The following SMC1B variants were observed in gnomAD, a reference collection of about 807,000 sequenced individuals.
SMC1B encodes the protein structural maintenance of chromosomes protein 1B.
Under a neutral mutation model 157.9 loss-of-function variants are expected in SMC1B, and 60 were observed. That is an observed-to-expected ratio of 0.38 (90% CI 0.31 to 0.47). SMC1B has a LOEUF of 0.47. Among genes scored for constraint, SMC1B ranks in the 20% least tolerant of loss-of-function variants. SMC1B has a pLI of 0.99. For missense variants in SMC1B, 1,165 were observed against 1,426.2 expected (o/e 0.82, Z 2.95); for synonymous variants, 445 against 483.0 (o/e 0.92, Z 1.03).
chr22:45,390,284 A>G (rs940743144), intron 9 of SMC1B, among the ~76,000 whole-genome samples: 5 of 152,044 alleles, frequency 3.3e-5, no homozygotes, highest in Non-Finnish European at 7.3e-5. Context: ...TTCTGACCTC[A>G]CAGAATTTTC....
At chr22:45,386,765 A>G in intron 11 of SMC1B, 102 bp downstream of exon 11, 1 of 1,039,000 alleles carries the variant, frequency 9.6e-7, no homozygotes, top group African/African-American at 1.6e-5. Flanking sequence ...AAAAAAGAAC[A>G]CATAAAACGC....
chr22:45,398,703 C>T (rs565289133), intron 6 of SMC1B, among the ~76,000 whole-genome samples: 116 of 152,256 alleles, frequency 7.6e-4, no homozygotes, highest in African/African-American at 2.7e-3. Flanking sequence ...GTGGCGCATG[C>T]CTGTAATCCC....
Position 45,359,790 on chromosome 22 carries a change from C to T in SMC1B, c.2862+15G>A. ...CACACAACGGCACATATTTTACAGT[C>T]ATTTGCTAGAATACCTCCACTTCAA... On this transcript the variant is annotated intron_variant, in intron 18 of 24. Coordinates refer to ENST00000357450, the MANE Select transcript of SMC1B (RefSeq NM_148674.5). The T allele has an allele frequency of 6.2e-7, 1 of 1,609,154 alleles. No homozygotes were observed. The highest frequency in any genetic ancestry group is 1.7e-4 in the Middle Eastern group (1 of 6,048).
In SMC1B at chr22:45,389,761, T is replaced by C; in HGVS notation, c.1682A>G (p.Lys561Arg). 1 of 1,614,140 alleles carries C rather than the reference T, an allele frequency of 6.2e-7. No homozygotes were observed. Among genetic ancestry groups the C allele is most frequent in the Non-Finnish European group, 8.5e-7 (1 of 1,180,000 alleles). ...TGTCTCAGGTTCAGCTCTTTCCTCC[T>C]TCAGAAATCGAATACAATCTTTTGC... The part of the protein sequence containing the change: ...KVAKDCIRFL[K>R]EERAEPETFL... The change falls in exon 10 of 25, where the codon AAG (lysine) becomes AGG (arginine). Residue 561 changes from lysine to arginine, a missense_variant. Coordinates refer to ENST00000357450, the MANE Select transcript of SMC1B (RefSeq NM_148674.5).
Position 45,388,845 on chromosome 22 carries a change from G to A in SMC1B, c.1731+867C>T, listed in dbSNP as rs556559244. On this transcript the variant is annotated intron_variant, in intron 10 of 24. Coordinates refer to ENST00000357450, the MANE Select transcript of SMC1B (RefSeq NM_148674.5). ...ACAAAAAAAAGAAAAAAAATCAGCC[G>A]GGCGTGCTGGCACATACCTGTAACC... Among the ~76,000 whole-genome samples, 11 of 151,742 alleles carry A rather than the reference G, an allele frequency of 7.2e-5. No individual in the cohort carries two copies. The South Asian group carries it at 1.5e-3, about 20-fold the overall frequency.
chr22:45,366,623 T>G (rs781318183), intron 15 of SMC1B, among the ~76,000 whole-genome samples: 5 of 152,118 alleles, frequency 3.3e-5, no homozygotes, highest in Non-Finnish European at 5.9e-5. Flanking sequence ...TCTGGCTGGG[T>G]GTGGTGGCTC....
At chr22:45,396,512 C>T (rs1172211840) in intron 6 of SMC1B, 26 bp from the exon 7 acceptor site, 2 of 1,590,166 alleles carry the variant, frequency 1.3e-6, no homozygotes, top group African/African-American at 1.4e-5. Context: ...TGAAAAATTG[C>T]TAATTCACCT....
At chr22:45,349,977 C>T (rs778062153) in intron 22 of SMC1B, among the ~76,000 whole-genome samples, 180 bp from the exon 23 acceptor site, 2 of 152,198 alleles carry the variant, frequency 1.3e-5, no homozygotes, top group Admixed American at 6.5e-5. Context: ...TGTATGTGAC[C>T]TATGCAAGGA....
intron 12 of SMC1B, among the ~76,000 whole-genome samples, chr22:45,380,969 T>C (rs1294480512): frequency 6.6e-6 from 1 of 151,516 alleles, no homozygotes; most frequent in African/African-American, 2.4e-5. Context: ...ACTTTTTTTT[T>C]TTTTTTTTGT....
chr22:45,353,253 C>A (rs2086632139), intron 21 of SMC1B, among the ~76,000 whole-genome samples: 2 of 108,674 alleles, frequency 1.8e-5, no homozygotes, highest in Admixed American at 1.2e-4. Flanking sequence ...CAGAGGGAAA[C>A]TCTGTCTCAA....
At chr22:45,370,364 T>C (rs1286299807) in intron 14 of SMC1B, among the ~76,000 whole-genome samples, 4 of 152,152 alleles carry the variant, frequency 2.6e-5, no homozygotes, top group Admixed American at 1.3e-4. Flanking sequence ...CACAAAAATA[T>C]TACATTCTAC....
At chr22:45,362,427 T>G (rs2086730455) in intron 16 of SMC1B, among the ~76,000 whole-genome samples, 1 of 152,192 alleles carries the variant, frequency 6.6e-6, no homozygotes, top group African/African-American at 2.4e-5. Flanking sequence ...CCATCGCTGC[T>G]CCACTGCTCT....
At chr22:45,372,115 G>C (rs1256140244) in intron 13 of SMC1B, 40 bp downstream of exon 13, 2 of 1,519,966 alleles carry the variant, frequency 1.3e-6, no homozygotes, top group Non-Finnish European at 1.8e-6. Context: ...TCTATGTTCT[G>C]GGTCAAATGC....
chr22:45,406,279 C>T (rs183369223), intron 4 of SMC1B, among the ~76,000 whole-genome samples, 181 bp downstream of exon 4: 3 of 151,996 alleles, frequency 2.0e-5, no homozygotes, highest in African/African-American at 4.8e-5. Context: ...CCTGCCTATT[C>T]GGAAAGAAAA....
chr22:45,350,845 C>T (rs1029082276), intron 22 of SMC1B, among the ~76,000 whole-genome samples: 2 of 152,202 alleles, frequency 1.3e-5, no homozygotes, highest in African/African-American at 4.8e-5. Flanking sequence ...ATCCTCTCAC[C>T]TTGGCCCAGT....
chr22:45,367,156 C>T (rs571625725), intron 15 of SMC1B, among the ~76,000 whole-genome samples: 2 of 152,212 alleles, frequency 1.3e-5, no homozygotes, highest in South Asian at 4.2e-4. Context: ...GTCATGGTTC[C>T]CCGTTTGCTA....
chr22:45,378,822 A>T (rs1052965688), intron 12 of SMC1B, among the ~76,000 whole-genome samples: 6 of 152,184 alleles, frequency 3.9e-5, no homozygotes, highest in African/African-American at 1.4e-4. Context: ...TGTTACATAT[A>T]ATCTTCTTTA....
In SMC1B at chr22:45,361,876, T is replaced by C. The variant is rs375968210; in HGVS notation, c.2671A>G (p.Ile891Val). ...NSSAEKVQTQ[I>V]EEERKKFLAV... ...AGAAACTTCTTCCGTTCCTCTTCAA[T>C]TTGAGTTTGAACTTTCTCGGCACTG... Residue 891 changes from isoleucine to valine, a missense_variant, in exon 17 of 25, where the codon ATT becomes GTT. Transcript: ENST00000357450. 63 of 1,613,998 alleles carry C rather than the reference T, an allele frequency of 3.9e-5. No individual in the cohort carries two copies. Among genetic ancestry groups the C allele is most frequent in the Non-Finnish European group, 5.1e-5 (60 of 1,179,982 alleles).
chr22:45,413,442 C>T lies in SMC1B; in HGVS notation c.109+17G>A. 1 of 1,587,400 alleles carries T rather than the reference C, an allele frequency of 6.3e-7. No individual in the cohort carries two copies. Among genetic ancestry groups the T allele is most frequent in the African/African-American group, 1.3e-5 (1 of 74,380 alleles). On this transcript the variant is annotated intron_variant, in intron 1 of 24. Coordinates refer to ENST00000357450, the MANE Select transcript of SMC1B (RefSeq NM_148674.5). ...ACGGCGGAGGCGCTCCGGTGGCGCC[C>T]TGAGCTGCTCAGTTACCAGAGCCGT...
Sources: gnomAD v4.1 joint callset for allele counts (sites outside exome capture counted in the v4.1 genomes callset) on GRCh38, gnomAD v4.1.1 for gene constraint, MANE v1.5 for transcripts, NCBI Gene and HGNC (gene_info 2026-07-23, HGNC 2026-07-21) for gene names.